ZFAT: variants seen among roughly 807,000 people sequenced by gnomAD.
The protein encoded by ZFAT is zinc finger protein ZFAT.
A neutral mutation model predicts 117.7 loss-of-function variants in ZFAT; 64 were observed. The observed-to-expected ratio is 0.54, with a 90% CI of 0.44 to 0.67. The LOEUF (loss-of-function observed/expected upper bound fraction) is 0.67. ZFAT is among the 30% of genes least tolerant of loss of function. ZFAT has a pLI of 0.00. For synonymous variants in ZFAT, 679 were observed against 615.0 expected (o/e 1.10, Z -1.54); for missense variants, 1,433 against 1,584.5 (o/e 0.90, Z 1.62).
intron 12 of ZFAT, among the ~76,000 whole-genome samples, chr8:134,530,139 A>G (rs543143353): frequency 2.0e-5 from 3 of 152,338 alleles, no homozygotes; most frequent in Non-Finnish European, 2.9e-5. Flanking sequence ...TACACAAGGA[A>G]TCCCTGCACA....
chr8:134,618,361 C>T (rs1310124868), intron 3 of ZFAT, among the ~76,000 whole-genome samples: 1 of 152,126 alleles, frequency 6.6e-6, no homozygotes, highest in African/African-American at 2.4e-5. Flanking sequence ...AGCTTCCTAC[C>T]CCAGGCTGTC....
chr8:134,631,647 C>A (rs543007472), intron 3 of ZFAT, among the ~76,000 whole-genome samples: 6 of 152,142 alleles, frequency 3.9e-5, no homozygotes, highest in African/African-American at 1.2e-4. Context: ...AGCTGCTAGG[C>A]GAGGGTGACA....
intron 1 of ZFAT, among the ~76,000 whole-genome samples, chr8:134,712,445 G>T (rs1244943479): frequency 6.6e-6 from 1 of 151,936 alleles, no homozygotes; most frequent in Non-Finnish European, 1.5e-5. Context: ...TACTCATTTC[G>T]CCAAGGAGGA....
intron 11 of ZFAT, among the ~76,000 whole-genome samples, chr8:134,554,274 C>T (rs1197901078): frequency 2.0e-5 from 3 of 152,216 alleles, no homozygotes; most frequent in Admixed American, 6.5e-5. Flanking sequence ...GTGGAGTATT[C>T]CTGCTCCCAG....
rs1831705163 is a variant in ZFAT, at chr8:134,657,838, T to A, written c.20-101A>T. ...TACCGAAAGCTGCCCTTCTGAGCCATCACCAGCCTCTACCAGATTGTGTCT... is the reference window on the plus strand; with the variant it reads ...TACCGAAAGCTGCCCTTCTGAGCCAACACCAGCCTCTACCAGATTGTGTCT... On this transcript the variant is annotated intron_variant, in intron 1 of 15. Transcript: ENST00000377838. The A allele has an allele frequency of 7.9e-6, 10 of 1,269,212 alleles. No individual in the cohort carries two copies. In the African/African-American group the frequency reaches 1.2e-4, roughly 15 times the overall value. 78.6% of individuals were successfully genotyped at this position (1,269,212 alleles called of 1,614,324 possible).
At chr8:134,567,035 C>A (rs1053474002) in intron 10 of ZFAT, among the ~76,000 whole-genome samples, 3 of 152,188 alleles carry the variant, frequency 2.0e-5, no homozygotes, top group Non-Finnish European at 4.4e-5. Context: ...CCCTAACTGA[C>A]CCCTTCAGAC....
chr8:134,567,835 G>A (rs1263546497), intron 10 of ZFAT, among the ~76,000 whole-genome samples: 4 of 152,206 alleles, frequency 2.6e-5, no homozygotes, highest in Admixed American at 2.6e-4. Flanking sequence ...TCCATGCCTG[G>A]AATGCACTGT....
At chr8:134,688,854 G>A (rs1475007424) in intron 1 of ZFAT, among the ~76,000 whole-genome samples, 1 of 152,150 alleles carries the variant, frequency 6.6e-6, no homozygotes, top group Non-Finnish European at 1.5e-5. Flanking sequence ...TGCAGGAGGT[G>A]GGATTCAACC....
rs1456670366 is a variant in ZFAT at position 134,541,915 on chromosome 8, A to G, written c.2977-8943T>C. Among the ~76,000 whole-genome samples, 4 of 152,254 alleles carry G rather than the reference A, an allele frequency of 2.6e-5. No homozygotes were observed. In the East Asian group the frequency reaches 5.8e-4, roughly 22 times the overall value. On this transcript the variant is annotated intron_variant, in intron 11 of 15. Transcript: ENST00000377838. Reference sequence around the variant, plus strand: ...TGGAGGTGGCTGGCGCCACATTCACAGGCATTCCACTAAATCCTTTTACCT... The same window carrying G: ...TGGAGGTGGCTGGCGCCACATTCACGGGCATTCCACTAAATCCTTTTACCT...
At chr8:134,679,530 G>A (rs988144692) in intron 1 of ZFAT, among the ~76,000 whole-genome samples, 40 of 152,180 alleles carry the variant, frequency 2.6e-4, no homozygotes, top group Non-Finnish European at 5.3e-4. Context: ...ACGGTGTGGC[G>A]ATTCCTCAGG....
At chr8:134,586,043 G>C (rs1433095544) in intron 9 of ZFAT, among the ~76,000 whole-genome samples, 1 of 152,112 alleles carries the variant, frequency 6.6e-6, no homozygotes, top group African/African-American at 2.4e-5. Flanking sequence ...AGTAAACGGA[G>C]ACAAGGGATA....
chr8:134,537,067 A>G (rs1821895851), intron 11 of ZFAT, among the ~76,000 whole-genome samples: 1 of 152,222 alleles, frequency 6.6e-6, no homozygotes, highest in African/African-American at 2.4e-5. Flanking sequence ...AACATGATAA[A>G]TATTACTGAT....
chr8:134,777,271 C>A, the ZFAT span, among the ~76,000 whole-genome samples: 1 of 152,136 alleles, frequency 6.6e-6, no homozygotes, highest in Non-Finnish European at 1.5e-5. Context: ...ACAGGGGGTG[C>A]AGATTTGCTC....
the ZFAT span, among the ~76,000 whole-genome samples, chr8:134,817,612 A>G: frequency 5.9e-5 from 9 of 152,226 alleles, no homozygotes; most frequent in African/African-American, 2.2e-4. Context: ...TAATTTTAAA[A>G]TGTCAATTCT....
chr8:134,806,488 A>T, the ZFAT span, among the ~76,000 whole-genome samples: 1 of 152,234 alleles, frequency 6.6e-6, no homozygotes. Context: ...TCCAGATTTA[A>T]ATCAGGAAAA....
chr8:134,543,002 C>A (rs772885101), intron 11 of ZFAT, among the ~76,000 whole-genome samples: 1 of 145,670 alleles, frequency 6.9e-6, no homozygotes, highest in African/African-American at 2.6e-5. Flanking sequence ...CCACACCTCT[C>A]GTGACAGTGA....
chr8:134,618,892 GC>G (rs1828919215), intron 3 of ZFAT, among the ~76,000 whole-genome samples: 5 of 152,288 alleles, frequency 3.3e-5, no homozygotes, highest in Admixed American at 2.6e-4. Flanking sequence ...CAGAGAGAGA[GC>G]CCTGCCCTCT....
At chr8:134,743,552 T>C in the ZFAT span, among the ~76,000 whole-genome samples, 1 of 152,258 alleles carries the variant, frequency 6.6e-6, no homozygotes, top group East Asian at 1.9e-4. Context: ...TTTAAAAATA[T>C]ATACAACTTA....
the ZFAT span, among the ~76,000 whole-genome samples, chr8:134,780,527 C>G: frequency 3.0e-3 from 451 of 152,338 alleles, 6 homozygotes; most frequent in East Asian, 0.024. Context: ...CTATTTAACA[C>G]TTGGATCCTA....
Sources: allele counts gnomAD v4.1 joint callset (sites outside exome capture counted in the v4.1 genomes callset), GRCh38; gene constraint gnomAD v4.1.1; transcripts MANE v1.5; gene names NCBI Gene and HGNC (gene_info 2026-07-23, HGNC 2026-07-21).